The following NALF1 variants were observed in gnomAD, a reference collection of about 807,000 sequenced individuals.
NALF1 encodes the protein NALCN channel auxiliary factor 1.
NALF1 carries 3 observed loss-of-function variants against 48.4 expected under a neutral mutation model. The observed-to-expected ratio is 0.06, with a 90% CI of 0.03 to 0.16. The LOEUF (loss-of-function observed/expected upper bound fraction) is 0.16, where lower values mean the gene tolerates loss of function less well. Ranked by LOEUF, NALF1 falls within the 10% of genes least tolerant of loss-of-function variation. The pLI is 1.00. For missense variants in NALF1, 526 were observed against 571.5 expected (o/e 0.92, Z 0.81); for synonymous variants, 262 against 245.7 (o/e 1.07, Z -0.62).
intron 1 of NALF1, among the ~76,000 whole-genome samples, chr13:107,265,776 G>A (rs1391565011): frequency 1.3e-5 from 2 of 151,980 alleles, no homozygotes; most frequent in African/African-American, 4.8e-5. Context: ...CTATGAATAT[G>A]AGGTAATTTT....
rs1878683751 is a variant in NALF1 at position 107,167,376 on chromosome 13, A to T, written c.*3121T>A. On this transcript the variant is annotated 3_prime_UTR_variant, in exon 3 of 3. Transcript: ENST00000375915. ...GTGTGCCAGGAAAACTACTACAAAG[A>T]ATCAACGGATGTAGTGAAATCTGCA... 3 of 152,188 alleles carry T rather than the reference A, an allele frequency of 2.0e-5. No homozygotes were observed. The highest frequency in any genetic ancestry group is 1.3e-4 in the Admixed American group (2 of 15,278). The allele number at this position is 152,188 out of a possible 1,614,324, so 9.4% of individuals were successfully genotyped here. A position where few individuals can be genotyped will look rare whatever the true frequency, so the allele number is the denominator to read the frequency against.
intron 1 of NALF1, among the ~76,000 whole-genome samples, chr13:107,253,504 G>A (rs1448541090): frequency 6.6e-6 from 1 of 152,086 alleles, no homozygotes; most frequent in Non-Finnish European, 1.5e-5. Context: ...CATTGAGCTG[G>A]GGAAAGTCCT....
chr13:107,247,967 G>A (rs746054255), intron 1 of NALF1, among the ~76,000 whole-genome samples: 2 of 152,120 alleles, frequency 1.3e-5, no homozygotes, highest in Admixed American at 6.5e-5. Context: ...TAGCAAAGAC[G>A]TGAAAAGCAA....
At chr13:107,523,072 C>A (rs1876302376) in intron 1 of NALF1, among the ~76,000 whole-genome samples, 1 of 152,082 alleles carries the variant, frequency 6.6e-6, no homozygotes, top group Non-Finnish European at 1.5e-5. Context: ...ATGGATAAAC[C>A]AGTTGGCAGT....
At chr13:107,708,721 A>T (rs150940238) in intron 1 of NALF1, among the ~76,000 whole-genome samples, 8 of 107,602 alleles carry the variant, frequency 7.4e-5, no homozygotes, top group African/African-American at 2.2e-4. Context: ...CTCTTTATTT[A>T]TTTTTTTTTT....
intron 1 of NALF1, among the ~76,000 whole-genome samples, chr13:107,416,629 A>C (rs4625596): frequency 0.24 from 36,886 of 152,116 alleles, 4,721 homozygotes; most frequent in Admixed American, 0.29. Context: ...ACATGTGTTA[A>C]TGGACTGTTT....
chr13:107,623,919 C>A (rs1879598788), intron 1 of NALF1, among the ~76,000 whole-genome samples: 1 of 152,104 alleles, frequency 6.6e-6, no homozygotes, highest in Non-Finnish European at 1.5e-5. Flanking sequence ...CATTTTGCAG[C>A]AAGACAGTGG....
intron 1 of NALF1, among the ~76,000 whole-genome samples, chr13:107,618,870 T>TA (rs1483134652): frequency 6.6e-6 from 1 of 152,184 alleles, no homozygotes; most frequent in African/African-American, 2.4e-5. Flanking sequence ...TGGGCTAAGA[T>TA]ATAGGAACAA....
intron 1 of NALF1, among the ~76,000 whole-genome samples, chr13:107,419,496 C>A (rs550779360): frequency 6.6e-6 from 1 of 152,136 alleles, no homozygotes; most frequent in East Asian, 1.9e-4. Flanking sequence ...TTGCAAGAGG[C>A]GGTAGATTTC....
At chr13:107,632,909 G>GAA (rs57758796) in intron 1 of NALF1, among the ~76,000 whole-genome samples, 78,846 of 138,774 alleles carry the variant, frequency 0.57, 24,347 homozygotes, top group East Asian at 0.96. Context: ...CAAGCCTCAT[G>GAA]AAAAAAAAAA....
intron 1 of NALF1, among the ~76,000 whole-genome samples, chr13:107,767,892 C>T (rs1877459006): frequency 6.6e-6 from 1 of 152,052 alleles, no homozygotes; most frequent in Non-Finnish European, 1.5e-5. Context: ...TGAGAAGAGA[C>T]ACAATTAAAG....
At chr13:107,385,382 G>A (rs576306957) in intron 1 of NALF1, among the ~76,000 whole-genome samples, 5 of 151,964 alleles carry the variant, frequency 3.3e-5, no homozygotes, top group East Asian at 1.9e-4. Context: ...GCAAAACTCC[G>A]TCTCTACTAA....
intron 1 of NALF1, among the ~76,000 whole-genome samples, chr13:107,796,163 T>TTTCCCTC (rs933811723): frequency 6.6e-6 from 1 of 152,182 alleles, no homozygotes; most frequent in East Asian, 1.9e-4. Context: ...CTTAAATATA[T>TTTCCCTC]TTCCCTCTTC....
intron 1 of NALF1, among the ~76,000 whole-genome samples, chr13:107,471,838 T>C (rs972742761): frequency 1.3e-5 from 2 of 152,218 alleles, no homozygotes; most frequent in African/African-American, 4.8e-5. Context: ...TTATGCATTA[T>C]GACATCTCAT....
intron 1 of NALF1, among the ~76,000 whole-genome samples, chr13:107,727,116 GC>G (rs1876180836): frequency 6.6e-6 from 1 of 151,982 alleles, no homozygotes; most frequent in African/African-American, 2.4e-5. Context: ...ACAAGAGACT[GC>G]CCATGGTAGT....
chr13:107,610,777 G>A (rs554444258), intron 1 of NALF1, among the ~76,000 whole-genome samples: 2 of 152,286 alleles, frequency 1.3e-5, no homozygotes, highest in African/African-American at 4.8e-5. Flanking sequence ...ATAAACCTAC[G>A]TCCGTTGTGA....
At chr13:107,258,132 T>C (rs1038134434) in intron 1 of NALF1, among the ~76,000 whole-genome samples, 7 of 152,334 alleles carry the variant, frequency 4.6e-5, no homozygotes, top group Non-Finnish European at 8.8e-5. Flanking sequence ...CATTTGGTAA[T>C]GGCAAAAGAC....
intron 1 of NALF1, among the ~76,000 whole-genome samples, chr13:107,658,981 T>C (rs1292110639): frequency 6.6e-6 from 1 of 152,080 alleles, no homozygotes. Context: ...TAAAGCTCCA[T>C]GTTAGTGGAA....
intron 1 of NALF1, among the ~76,000 whole-genome samples, chr13:107,527,717 T>A (rs1443908511): frequency 6.6e-6 from 1 of 152,046 alleles, no homozygotes; most frequent in East Asian, 1.9e-4. Context: ...AGTGAATAAG[T>A]CTCACAAGAT....
Sources: allele counts gnomAD v4.1 joint callset (sites outside exome capture counted in the v4.1 genomes callset), GRCh38; gene constraint gnomAD v4.1.1; transcripts MANE v1.5; gene names NCBI Gene and HGNC (gene_info 2026-07-23, HGNC 2026-07-21).